GATAD2A: variants seen among roughly 807,000 people sequenced by gnomAD.
The protein encoded by GATAD2A is GATA zinc finger domain containing 2A.
Under a neutral mutation model 68.5 loss-of-function variants are expected in GATAD2A, and 12 were observed. The ratio of observed to expected loss-of-function variants is 0.18; its 90% confidence interval spans 0.11 to 0.28. The LOEUF is 0.28. Among genes scored for constraint, GATAD2A ranks in the 10% least tolerant of loss-of-function variants. The pLI is 1.00. For missense variants in GATAD2A, 755 were observed against 868.5 expected (o/e 0.87, Z 1.64); for synonymous variants, 410 against 375.3 (o/e 1.09, Z -1.07).
In GATAD2A at chr19:19,508,536, G is replaced by A. The variant is rs1225750303; in HGVS notation, c.*3062G>A. On this transcript the variant is annotated 3_prime_UTR_variant, in exon 12 of 12. Coordinates refer to ENST00000683918, the MANE Select transcript of GATAD2A (RefSeq NM_001384528.1). The stretch of plus-strand genomic sequence containing the variant: ...TCTCCTATTGGACGTAGAGGCAGGG[G>A]AGAGACTTCTCTATACAAATATTCT... The A allele has an allele frequency of 6.6e-6, 1 of 152,256 alleles. No individual in the cohort carries two copies. The highest frequency in any genetic ancestry group is 1.5e-5 in the Non-Finnish European group (1 of 68,064). The allele number at this position is 152,256 out of a possible 1,614,324, so 9.4% of individuals were successfully genotyped here.
Position 19,501,241 on chromosome 19 carries a change from T to A in GATAD2A, c.1328T>A (p.Met443Lys). The A allele has an allele frequency of 6.2e-7, 1 of 1,613,430 alleles. No homozygotes were observed. Among genetic ancestry groups the A allele is most frequent in the South Asian group, 1.1e-5 (1 of 91,080 alleles). Reference protein sequence around the residue: ...KSGAIMCENCMTTNQKKALKV... With the variant: ...KSGAIMCENCKTTNQKKALKV... ...GGCGCCATCATGTGTGAGAACTGCA[T>A]GACAACCAACCAGAAGAAGGCGCTC... is the stretch of plus-strand genomic sequence containing the variant. Residue 443 changes from methionine (M) to lysine (K), a missense_variant, in exon 9 of 12, where the codon ATG becomes AAG. Physicochemically the swap from Met to Lys is moderately conservative, Grantham distance 95. Transcript: ENST00000683918.
chr19:19,422,102 C>T (rs1344853991), intron 1 of GATAD2A, among the ~76,000 whole-genome samples: 3 of 152,166 alleles, frequency 2.0e-5, no homozygotes, highest in African/African-American at 7.2e-5. Context: ...GGATTACAGG[C>T]GTGAGCCACT....
intron 1 of GATAD2A, among the ~76,000 whole-genome samples, chr19:19,409,715 A>C (rs565525874): frequency 1.9e-4 from 28 of 148,764 alleles, no homozygotes; most frequent in African/African-American, 6.6e-4. Flanking sequence ...GGTTGCAGCG[A>C]GGTGGAAATA....
At chr19:19,441,101 G>A (rs1009053104) in intron 1 of GATAD2A, among the ~76,000 whole-genome samples, 18 of 151,354 alleles carry the variant, frequency 1.2e-4, no homozygotes, top group Admixed American at 9.2e-4. Flanking sequence ...GGAGTGCAGT[G>A]GTGCGATCTC....
chr19:19,394,259 A>G (rs1413443615), intron 1 of GATAD2A, among the ~76,000 whole-genome samples: 3 of 152,002 alleles, frequency 2.0e-5, no homozygotes, highest in African/African-American at 4.8e-5. Flanking sequence ...GGCAATGCAT[A>G]TTACACTAAG....
At chr19:19,457,271 G>T (rs1439524844) in intron 1 of GATAD2A, 16 of 983,596 alleles carry the variant, frequency 1.6e-5, no homozygotes, top group Non-Finnish European at 1.9e-5. Flanking sequence ...CCTTCTGGCT[G>T]CAGGTTCTTC....
chr19:19,484,543 T>C (rs1600252180), intron 2 of GATAD2A, among the ~76,000 whole-genome samples: 1 of 144,160 alleles, frequency 6.9e-6, no homozygotes, highest in African/African-American at 2.6e-5. Flanking sequence ...TTTTTTTTTT[T>C]TTTTTTTGAG....
chr19:19,436,789 T>C (rs961467561), intron 1 of GATAD2A, among the ~76,000 whole-genome samples: 5 of 152,332 alleles, frequency 3.3e-5, no homozygotes, highest in Admixed American at 2.0e-4. Context: ...GGCCCAAGGC[T>C]ACCTACCTGG....
chr19:19,465,442 A>G lies in GATAD2A; in HGVS notation c.97A>G (p.Arg33Gly), dbSNP rs2057793909. 1 of 1,613,834 alleles carries G rather than the reference A, an allele frequency of 6.2e-7. No homozygotes were observed. Among genetic ancestry groups the G allele is most frequent in the East Asian group, 2.2e-5 (1 of 44,884 alleles). ...GGAGAGCAAGAAAATAAAAATGGAG[A>G]GAGGATTGTTGGCTTCAGATTTAAA... is the stretch of plus-strand genomic sequence containing the variant. ...DVESKKIKME[R>G]GLLASDLNTD... Residue 33 changes from arginine to glycine, a missense_variant, in exon 2 of 12, where the codon AGA (arginine) becomes GGA (glycine). Coordinates refer to ENST00000683918, the MANE Select transcript of GATAD2A (RefSeq NM_001384528.1).
intron 1 of GATAD2A, among the ~76,000 whole-genome samples, chr19:19,420,331 C>CTTTTT (rs1184441572): frequency 1.2e-5 from 1 of 86,068 alleles, no homozygotes; most frequent in Non-Finnish European, 2.3e-5. Context: ...CCCATCTTGA[C>CTTTTT]TTTTTTTTTT....
At chr19:19,459,309 C>T (rs913790535) in intron 1 of GATAD2A, among the ~76,000 whole-genome samples, 1 of 151,880 alleles carries the variant, frequency 6.6e-6, no homozygotes, top group Non-Finnish European at 1.5e-5. Flanking sequence ...TGATTTTGGT[C>T]CAGTTCCTTT....
chr19:19,418,217 A>G (rs942764674), intron 1 of GATAD2A, among the ~76,000 whole-genome samples: 8 of 152,088 alleles, frequency 5.3e-5, no homozygotes, highest in Non-Finnish European at 1.0e-4. Flanking sequence ...TGGAGGCCCC[A>G]TGTGACCATC....
At chr19:19,406,472 G>A (rs2050275964) in intron 1 of GATAD2A, among the ~76,000 whole-genome samples, 1 of 151,820 alleles carries the variant, frequency 6.6e-6, no homozygotes, top group Non-Finnish European at 1.5e-5. Flanking sequence ...CGGCGGCGGC[G>A]GCGGCGGATC....
At position 19,394,635 on chromosome 19, in the gene GATAD2A, C is replaced by T. The variant is rs372998887; in HGVS notation, c.-7+8497C>T. Among the ~76,000 whole-genome samples the T allele has an allele frequency of 1.6e-4, 25 of 151,952 alleles. No homozygotes were observed. The East Asian group carries it at 3.9e-3, about 24-fold the overall frequency. ...CTAATTTTTTGTATTTTAGTAGAGA[C>T]GGGGTTTCACTGTGTTGCCCAGGCT... On this transcript the variant is annotated intron_variant, in intron 1 of 11. Coordinates refer to the GATAD2A transcript ENST00000360315.
chr19:19,454,728 G>GCCCCCCCCC (rs60087917), intron 1 of GATAD2A, among the ~76,000 whole-genome samples: 32 of 121,610 alleles, frequency 2.6e-4, no homozygotes, highest in Non-Finnish European at 3.6e-4. Flanking sequence ...GAGCCACTGT[G>GCCCCCCCCC]CCCCCCCCCA....
At chr19:19,505,298 C>CCT (rs765291376) in intron 11 of GATAD2A, 46 bp from the exon 12 acceptor site, 30 of 1,600,212 alleles carry the variant, frequency 1.9e-5, no homozygotes, top group African/African-American at 2.7e-5. Flanking sequence ...TCCCAGGAGC[C>CCT]CTCCTGACGA....
chr19:19,441,902 C>T (rs1042370063), intron 1 of GATAD2A, among the ~76,000 whole-genome samples: 2 of 151,276 alleles, frequency 1.3e-5, no homozygotes, highest in South Asian at 2.1e-4. Flanking sequence ...ACTCTTGTTG[C>T]GCAGGCTGGA....
intron 1 of GATAD2A, among the ~76,000 whole-genome samples, chr19:19,420,092 C>T (rs2147245686): frequency 7.1e-6 from 1 of 140,864 alleles, no homozygotes; most frequent in East Asian, 2.1e-4. Context: ...CTCACTGCAA[C>T]CTCTACTTCC....
rs551887006 is a variant in GATAD2A at position 19,453,983 on chromosome 19, T to G, written c.-6-11357T>G. Among the ~76,000 whole-genome samples the G allele has an allele frequency of 7.2e-4, 107 of 148,672 alleles. 3 individuals are homozygous for G. Among genetic ancestry groups the G allele is most frequent in the Admixed American group, 4.8e-3 (72 of 14,944 alleles). On this transcript the variant is annotated intron_variant, in intron 1 of 11. Coordinates refer to ENST00000683918, the MANE Select transcript of GATAD2A (RefSeq NM_001384528.1). ...GGCCAAATTTTTTGTGTTTTTTTTT[T>G]TTTGTTTATTTTTTGTTTTTGTTTT... is the stretch of plus-strand genomic sequence containing the variant.
Sources: gnomAD v4.1 joint callset for allele counts (sites outside exome capture counted in the v4.1 genomes callset) on GRCh38, gnomAD v4.1.1 for gene constraint, MANE v1.5 for transcripts, NCBI Gene and HGNC (gene_info 2026-07-23, HGNC 2026-07-21) for gene names.